MTSS1: variants seen among roughly 807,000 people sequenced by gnomAD.
MTSS1 encodes the protein MTSS I-BAR domain containing 1, also known as protein MTSS 1.
Under a neutral mutation model 79.0 loss-of-function variants are expected in MTSS1, and 18 were observed. The ratio of observed to expected loss-of-function variants is 0.23; its 90% CI spans 0.16 to 0.34. The LOEUF (loss-of-function observed/expected upper bound fraction) is 0.34. Among genes scored for constraint, MTSS1 ranks in the 10% least tolerant of loss-of-function variants. The pLI is 1.00. For missense variants in MTSS1, 815 were observed against 986.2 expected (o/e 0.83, Z 2.33); for synonymous variants, 341 against 368.6 (o/e 0.93, Z 0.86).
intron 13 of MTSS1, among the ~76,000 whole-genome samples, chr8:124,554,603 G>C (rs1348456417): frequency 6.6e-6 from 1 of 152,192 alleles, no homozygotes; most frequent in Non-Finnish European, 1.5e-5. Flanking sequence ...TGGACTTGAG[G>C]ATGAAGGAGG....
chr8:124,701,040 C>G (rs555333576), intron 2 of MTSS1, among the ~76,000 whole-genome samples: 2 of 152,094 alleles, frequency 1.3e-5, no homozygotes, highest in South Asian at 2.1e-4. Context: ...CCAGCCTGGG[C>G]AACATACTAA....
chr8:124,594,329 G>A (rs963330663), intron 3 of MTSS1, among the ~76,000 whole-genome samples: 14 of 152,104 alleles, frequency 9.2e-5, no homozygotes, highest in Admixed American at 8.5e-4. Flanking sequence ...TCAGGAGTTC[G>A]AGACCAGCCT....
intron 3 of MTSS1, among the ~76,000 whole-genome samples, chr8:124,604,597 T>TC (rs1361685224): frequency 6.6e-6 from 1 of 151,736 alleles, no homozygotes; most frequent in Non-Finnish European, 1.5e-5. Flanking sequence ...CCTGTGTGGT[T>TC]TTTTTTTTAA....
chr8:124,555,269 A>G (rs1022754172), intron 13 of MTSS1, among the ~76,000 whole-genome samples: 12 of 152,006 alleles, frequency 7.9e-5, no homozygotes, highest in Non-Finnish European at 1.2e-4. Flanking sequence ...TTTTTGAGAC[A>G]GAGTCTTGCT....
At chr8:124,686,561 C>T (rs886464120) in intron 3 of MTSS1, among the ~76,000 whole-genome samples, 3 of 152,134 alleles carry the variant, frequency 2.0e-5, no homozygotes, top group African/African-American at 7.2e-5. Context: ...GCTACAACTG[C>T]CTCAAAAAAG....
At chr8:124,719,877 G>A (rs1832654959) in intron 1 of MTSS1, among the ~76,000 whole-genome samples, 1 of 152,170 alleles carries the variant, frequency 6.6e-6, no homozygotes, top group African/African-American at 2.4e-5. Flanking sequence ...AACTTTAAGA[G>A]GGAAGGATTA....
intron 3 of MTSS1, among the ~76,000 whole-genome samples, chr8:124,697,535 T>G (rs1014384495): frequency 1.3e-5 from 2 of 151,316 alleles, no homozygotes; most frequent in African/African-American, 2.4e-5. Flanking sequence ...CACTCCAGTC[T>G]GAGAGACAGA....
At chr8:124,629,374 A>G (rs1399800241) in intron 3 of MTSS1, among the ~76,000 whole-genome samples, 8 of 151,694 alleles carry the variant, frequency 5.3e-5, no homozygotes, top group Admixed American at 3.3e-4. Flanking sequence ...AAAATTAGCC[A>G]GGTGTGGTGG....
At chr8:124,687,852 C>T (rs1827236756) in intron 3 of MTSS1, among the ~76,000 whole-genome samples, 1 of 152,230 alleles carries the variant, frequency 6.6e-6, no homozygotes, top group African/African-American at 2.4e-5. Context: ...ATTAAAGGTC[C>T]CTTTCTGTCT....
chr8:124,595,520 C>T (rs1832604840), intron 3 of MTSS1, among the ~76,000 whole-genome samples: 1 of 152,144 alleles, frequency 6.6e-6, no homozygotes, highest in Non-Finnish European at 1.5e-5. Flanking sequence ...GCAATCTACT[C>T]CCTTCTCTGA....
chr8:124,618,081 T>C (rs1486615186), intron 3 of MTSS1, among the ~76,000 whole-genome samples: 2 of 152,162 alleles, frequency 1.3e-5, no homozygotes, highest in Non-Finnish European at 2.9e-5. Flanking sequence ...TATAATAACA[T>C]TCTCAAGATG....
At chr8:124,714,871 G>A (rs1461644278) in intron 1 of MTSS1, among the ~76,000 whole-genome samples, 2 of 152,156 alleles carry the variant, frequency 1.3e-5, no homozygotes, top group Non-Finnish European at 2.9e-5. Flanking sequence ...ACCTAATACA[G>A]GGGCTGGCTG....
chr8:124,578,063 A>T (rs1829314072), intron 6 of MTSS1, among the ~76,000 whole-genome samples: 1 of 152,186 alleles, frequency 6.6e-6, no homozygotes, highest in African/African-American at 2.4e-5. Context: ...CCAAGAAAGG[A>T]AGAATGACGT....
intron 6 of MTSS1, chr8:124,577,717 C>A: frequency 4.2e-6 from 2 of 474,302 alleles, no homozygotes; most frequent in Non-Finnish European, 8.4e-6. Flanking sequence ...CTGGGCTTAG[C>A]CTCGAAGAAC....
chr8:124,603,585 A>T lies in MTSS1; in HGVS notation c.209-12350T>A, dbSNP rs550510410. 5.7e-4 allele frequency among the ~76,000 whole-genome samples: 87 copies of T among 152,238 alleles called. 1 individual carries two copies. Among genetic ancestry groups the T allele is most frequent in the Middle Eastern group, 6.8e-3 (2 of 294 alleles). On this transcript the variant is annotated intron_variant, in intron 3 of 13. Transcript: ENST00000518547. ...TTTATTTTTACCCTTGGGCATGGAGAGATGGACAACCAGAAGAAAGTGGCA... is the reference window on the plus strand; with the variant it reads ...TTTATTTTTACCCTTGGGCATGGAGTGATGGACAACCAGAAGAAAGTGGCA...
chr8:124,634,427 C>T (rs1200354467), intron 3 of MTSS1, among the ~76,000 whole-genome samples: 1 of 151,992 alleles, frequency 6.6e-6, no homozygotes, highest in Non-Finnish European at 1.5e-5. Flanking sequence ...GGATTATGGG[C>T]GTGAGCTGCC....
At chr8:124,688,567 TATC>T (rs1827409901) in intron 3 of MTSS1, among the ~76,000 whole-genome samples, 1 of 152,048 alleles carries the variant, frequency 6.6e-6, no homozygotes, top group South Asian at 2.1e-4. Context: ...AAAACAAAAA[TATC>T]TTCTGCAGAA....
At chr8:124,701,591 C>A (rs1587883156) in intron 2 of MTSS1, among the ~76,000 whole-genome samples, 2 of 152,342 alleles carry the variant, frequency 1.3e-5, no homozygotes, top group East Asian at 3.9e-4. Flanking sequence ...ATATCTGACA[C>A]AATGGCTGGA....
chr8:124,605,564 C>CG, intron 3 of MTSS1, among the ~76,000 whole-genome samples: 1 of 131,528 alleles, frequency 7.6e-6, no homozygotes, highest in African/African-American at 3.0e-5. Context: ...TCCCTGCCCT[C>CG]TCGCTGCCTC....
Sources: gnomAD v4.1 joint callset for allele counts (sites outside exome capture counted in the v4.1 genomes callset) on GRCh38, gnomAD v4.1.1 for gene constraint, MANE v1.5 for transcripts, NCBI Gene and HGNC (gene_info 2026-07-23, HGNC 2026-07-21) for gene names.